Variants in OSBP2 observed in about 807,000 individuals in gnomAD.
OSBP2 encodes oxysterol binding protein 2, also known as oxysterol-binding protein 2.
Under a neutral mutation model 96.0 loss-of-function variants are expected in OSBP2, and 66 were observed. The ratio of observed to expected loss-of-function variants is 0.69; its 90% CI spans 0.56 to 0.84. The LOEUF is 0.84. OSBP2 is among the 40% of genes least tolerant of loss of function. OSBP2 has a pLI of 0.00. For synonymous variants in OSBP2, 525 were observed against 520.9 expected (o/e 1.01, Z -0.11); for missense variants, 1,038 against 1,222.7 (o/e 0.85, Z 2.25).
rs776834377 is a variant in OSBP2 at position 30,695,279 on chromosome 22, T to C, written c.370T>C (p.Ser124Pro). ...GGCTGGGCCCTTCACTAAGGCCGCATCGGAGCCGCTCTCCCGGGCGGTGGG... is the reference window on the plus strand; with the variant it reads ...GGCTGGGCCCTTCACTAAGGCCGCACCGGAGCCGCTCTCCCGGGCGGTGGG... ...VGAGPFTKAASEPLSRAVGSA... is the reference protein window; with the variant it reads ...VGAGPFTKAAPEPLSRAVGSA... The change falls in exon 1 of 14, where the codon TCG becomes CCG. Residue 124 changes from serine to proline, a missense_variant. This residue lies in a region of OSBP2 where 281 missense variants were observed against 273.4 expected (regional missense o/e 1.03). Transcript: ENST00000332585. 1 of 1,613,374 alleles carries C rather than the reference T, an allele frequency of 6.2e-7. No individual in the cohort carries two copies. The highest frequency in any genetic ancestry group is 8.5e-7 in the Non-Finnish European group (1 of 1,180,010).
intron 12 of OSBP2, among the ~76,000 whole-genome samples, chr22:30,904,234 C>G (rs1279593813): frequency 6.6e-6 from 1 of 152,226 alleles, no homozygotes; most frequent in African/African-American, 2.4e-5. Context: ...TCATCCTTGG[C>G]TTCTCCTACT....
chr22:30,803,359 CCCCT>C (rs965417049), intron 2 of OSBP2, among the ~76,000 whole-genome samples: 7 of 152,236 alleles, frequency 4.6e-5, no homozygotes, highest in African/African-American at 1.7e-4. Flanking sequence ...AGAGGGCAGG[CCCCT>C]CTGCCCTCAC....
intron 2 of OSBP2, among the ~76,000 whole-genome samples, chr22:30,838,172 G>A (rs992465101): frequency 6.6e-6 from 1 of 152,150 alleles, no homozygotes; most frequent in African/African-American, 2.4e-5. Context: ...TTCCTCGTGT[G>A]GCAGCAAGCT....
chr22:30,866,582 C>A (rs1226016550), intron 2 of OSBP2, among the ~76,000 whole-genome samples: 1 of 152,122 alleles, frequency 6.6e-6, no homozygotes, highest in African/African-American at 2.4e-5. Flanking sequence ...ACTAAAAATA[C>A]AAAAATTAGC....
intron 2 of OSBP2, among the ~76,000 whole-genome samples, chr22:30,792,088 G>C (rs2090683448): frequency 6.6e-6 from 1 of 152,148 alleles, no homozygotes; most frequent in South Asian, 2.1e-4. Context: ...GAGATGGGTG[G>C]ATCACTGGAG....
chr22:30,703,308 G>A (rs1025867269), intron 1 of OSBP2, among the ~76,000 whole-genome samples: 3 of 151,818 alleles, frequency 2.0e-5, no homozygotes, highest in African/African-American at 7.3e-5. Flanking sequence ...GGAGTAGCTG[G>A]GATTACAGGT....
intron 2 of OSBP2, among the ~76,000 whole-genome samples, chr22:30,775,069 C>T (rs750124409): frequency 3.3e-5 from 5 of 152,088 alleles, no homozygotes; most frequent in Admixed American, 6.6e-5. Context: ...TAAATACATA[C>T]GACATTGAAT....
chr22:30,851,403 T>G (rs917869351), intron 2 of OSBP2, among the ~76,000 whole-genome samples: 1 of 152,196 alleles, frequency 6.6e-6, no homozygotes, highest in Admixed American at 6.5e-5. Context: ...TCATTGCTAG[T>G]ATTTCAGAAA....
intron 12 of OSBP2, chr22:30,894,267 C>A: frequency 2.5e-6 from 1 of 406,524 alleles, no homozygotes; most frequent in Non-Finnish European, 4.4e-6. Flanking sequence ...AAAAAACATA[C>A]TTGAAAATAA....
chr22:30,741,414 G>A (rs1271071466), intron 2 of OSBP2, 45 bp downstream of exon 2: 1 of 1,486,308 alleles, frequency 6.7e-7, no homozygotes, highest in African/African-American at 1.4e-5. Context: ...GTGGTGTCAT[G>A]AGTCTGGAGG....
At chr22:30,793,027 C>T (rs546252295) in intron 2 of OSBP2, among the ~76,000 whole-genome samples, 1 of 152,336 alleles carries the variant, frequency 6.6e-6, no homozygotes, top group East Asian at 1.9e-4. Context: ...CCATCCAGTC[C>T]ACCACATTGT....
intron 1 of OSBP2, among the ~76,000 whole-genome samples, chr22:30,733,654 G>A (rs1392317812): frequency 3.3e-5 from 5 of 152,166 alleles, no homozygotes; most frequent in Admixed American, 1.3e-4. Flanking sequence ...CTTAGTTGAT[G>A]TACAAGGTTT....
chr22:30,815,243 G>A (rs923389531), intron 2 of OSBP2, among the ~76,000 whole-genome samples: 2 of 152,148 alleles, frequency 1.3e-5, no homozygotes, highest in African/African-American at 2.4e-5. Context: ...TGATCATGCC[G>A]CTGTACTCCA....
chr22:30,894,646 A>G (rs2040024113), intron 12 of OSBP2, among the ~76,000 whole-genome samples: 1 of 152,266 alleles, frequency 6.6e-6, no homozygotes, highest in East Asian at 1.9e-4. Flanking sequence ...AGAGTCCCAA[A>G]AGGAAAGAGG....
intron 2 of OSBP2, among the ~76,000 whole-genome samples, chr22:30,858,802 C>G (rs1486270538): frequency 6.6e-6 from 1 of 151,372 alleles, no homozygotes; most frequent in Non-Finnish European, 1.5e-5. Flanking sequence ...CTGCTTGAAC[C>G]CGGGAGATGG....
chr22:30,743,629 T>A (rs1342302532), intron 2 of OSBP2, among the ~76,000 whole-genome samples: 1 of 152,158 alleles, frequency 6.6e-6, no homozygotes, highest in Non-Finnish European at 1.5e-5. Flanking sequence ...ACTGGCCAAG[T>A]AAGGATGCTA....
At chr22:30,846,016 G>T (rs2038862876) in intron 2 of OSBP2, among the ~76,000 whole-genome samples, 1 of 152,054 alleles carries the variant, frequency 6.6e-6, no homozygotes, top group Non-Finnish European at 1.5e-5. Context: ...GAACATTCAT[G>T]TGTGAGTTTT....
intron 2 of OSBP2, among the ~76,000 whole-genome samples, chr22:30,816,220 T>C (rs753547581): frequency 2.0e-4 from 31 of 152,242 alleles, no homozygotes; most frequent in Non-Finnish European, 2.8e-4. Context: ...GGAGGAACAT[T>C]CTACAATACA....
At chr22:30,735,508 C>G (rs1361098335) in intron 1 of OSBP2, among the ~76,000 whole-genome samples, 3 of 139,762 alleles carry the variant, frequency 2.1e-5, no homozygotes, top group Non-Finnish European at 4.5e-5. Context: ...GACAGGGTTT[C>G]ACCATGTTGC....
Sources: allele counts gnomAD v4.1 joint callset (sites outside exome capture counted in the v4.1 genomes callset), GRCh38; gene constraint gnomAD v4.1.1; regional missense constraint gnomAD v4.1.1; transcripts MANE v1.5; gene names NCBI Gene and HGNC (gene_info 2026-07-23, HGNC 2026-07-21).